Variants in PDE7A observed in about 807,000 individuals in gnomAD.
PDE7A encodes high affinity 3',5'-cyclic-AMP phosphodiesterase 7A.
PDE7A carries 39 observed loss-of-function variants against 64.3 expected under a neutral mutation model. That is an observed-to-expected ratio of 0.61 (90% CI 0.47 to 0.79). The LOEUF (loss-of-function observed/expected upper bound fraction) is 0.79, where lower values mean the gene tolerates loss of function less well. PDE7A is among the 30% of genes least tolerant of loss of function. PDE7A has a pLI of 0.00. For missense variants in PDE7A, 470 were observed against 582.8 expected, an observed-to-expected ratio of 0.81 and a Z score of 1.99; for synonymous variants, 203 against 206.8, an observed-to-expected ratio of 0.98 and a Z score of 0.16.
At chr8:65,752,386 CATAAT>C (rs1424347895) in intron 3 of PDE7A, among the ~76,000 whole-genome samples, 1 of 152,266 alleles carries the variant, frequency 6.6e-6, no homozygotes, top group African/African-American at 2.4e-5. Context: ...ATATTTCACT[CATAAT>C]ATATTATTGA....
rs1236475024 is a variant in PDE7A at position 65,724,939 on chromosome 8, T to C, written c.921-18A>G. On this transcript the variant is annotated intron_variant, in intron 9 of 12. Transcript: ENST00000401827. ...TTTGTTGCCTGGAAATAGAGAAATA[T>C]AAAGAGAAAATATAAGACTTTCAAT... 1.3e-6 allele frequency: 2 copies of C among 1,548,932 alleles called. No individual in the cohort carries two copies. The highest frequency in any genetic ancestry group is 1.8e-6 in the Non-Finnish European group (2 of 1,138,668).
At chr8:65,821,719 C>G (rs1315683306) in intron 1 of PDE7A, among the ~76,000 whole-genome samples, 1 of 152,190 alleles carries the variant, frequency 6.6e-6, no homozygotes, top group East Asian at 1.9e-4. Flanking sequence ...TCAACATGTG[C>G]TACCAGTAGA....
intron 1 of PDE7A, among the ~76,000 whole-genome samples, chr8:65,790,070 T>C (rs1485763613): frequency 6.6e-6 from 1 of 152,182 alleles, no homozygotes; most frequent in Non-Finnish European, 1.5e-5. Context: ...AGTGTGATGG[T>C]GCAAGAATTG....
At chr8:65,761,078 T>G (rs76042859) in intron 3 of PDE7A, among the ~76,000 whole-genome samples, 1 of 151,840 alleles carries the variant, frequency 6.6e-6, no homozygotes, top group Non-Finnish European at 1.5e-5. Flanking sequence ...TTTTTTTTTT[T>G]AGACGGAGTC....
chr8:65,830,581 C>A (rs187336959), intron 1 of PDE7A, among the ~76,000 whole-genome samples: 146 of 152,104 alleles, frequency 9.6e-4, no homozygotes, highest in Non-Finnish European at 1.8e-3. Flanking sequence ...CCCCATCTAT[C>A]CCACTGAAAA....
chr8:65,803,191 T>C (rs371959943), intron 1 of PDE7A, among the ~76,000 whole-genome samples: 19 of 152,342 alleles, frequency 1.2e-4, no homozygotes, highest in Middle Eastern at 3.4e-3. Flanking sequence ...TCTGATAATA[T>C]ATTCAGGCAT....
At position 65,841,446 on chromosome 8, in the gene PDE7A, G is replaced by T; in HGVS notation, c.63C>A (p.Leu21=). 6.4e-7 allele frequency: 1 copy of T among 1,564,778 alleles called. No homozygotes were observed. ...PLDRPVPQHV[L]SRRGAISFSS... ...TGAAGCTGATGGCTCCTCGGCGGCT[G>T]AGGACGTGCTGGGGGACCGGCCTGT... The change falls in exon 1 of 13, where the codon CTC becomes CTA. Residue 21 remains leucine (L), a synonymous_variant. Coordinates refer to ENST00000401827, the MANE Select transcript of PDE7A (RefSeq NM_001242318.3).
intron 1 of PDE7A, among the ~76,000 whole-genome samples, chr8:65,794,165 A>C (rs979236780): frequency 2.0e-5 from 3 of 152,218 alleles, no homozygotes; most frequent in African/African-American, 7.2e-5. Flanking sequence ...CTGTGAAATG[A>C]AAAATGGAAA....
rs1806146761 is a variant in PDE7A at position 65,716,402 on chromosome 8, G to A, written c.*2888C>T. Among the ~76,000 whole-genome samples, 1 of 152,160 alleles carries A rather than the reference G, an allele frequency of 6.6e-6. No individual in the cohort carries two copies. The highest frequency in any genetic ancestry group is 2.1e-4 in the South Asian group (1 of 4,834). On this transcript the variant is annotated 3_prime_UTR_variant, in exon 13 of 13. Transcript: ENST00000401827. ...CAACTGAAACAAGGCTTGAGGTAAT[G>A]ACGTTATTTAATGCATGTGCCAATC...
intron 1 of PDE7A, among the ~76,000 whole-genome samples, chr8:65,799,608 T>C (rs188992503): frequency 6.6e-6 from 1 of 152,274 alleles, no homozygotes; most frequent in East Asian, 1.9e-4. Flanking sequence ...TGACGGGATT[T>C]AAGAGGTTGA....
At chr8:65,746,097 ATT>A (rs374802114) in intron 4 of PDE7A, among the ~76,000 whole-genome samples, 7 of 141,266 alleles carry the variant, frequency 5.0e-5, no homozygotes, top group Admixed American at 1.4e-4. Flanking sequence ...TACCTGGCTA[ATT>A]TTTTTTTTTT....
At chr8:65,812,721 C>T (rs968896339) in intron 1 of PDE7A, among the ~76,000 whole-genome samples, 1 of 152,128 alleles carries the variant, frequency 6.6e-6, no homozygotes, top group African/African-American at 2.4e-5. Flanking sequence ...TGGCCAGATA[C>T]GTATTTTTGA....
At chr8:65,823,725 T>C (rs1328124328) in intron 1 of PDE7A, among the ~76,000 whole-genome samples, 1 of 152,170 alleles carries the variant, frequency 6.6e-6, no homozygotes, top group African/African-American at 2.4e-5. Flanking sequence ...CAATGCAATA[T>C]ATTAAAATCT....
At position 65,826,532 on chromosome 8, in the gene PDE7A, G is replaced by A. The variant is rs562257541; in HGVS notation, c.138+14839C>T. On this transcript the variant is annotated intron_variant, in intron 1 of 12. Coordinates refer to ENST00000401827, the MANE Select transcript of PDE7A (RefSeq NM_001242318.3). ...GTGAAAACATGTATCAAAATGTATT[G>A]CAACTGTCTATTTACAAAGCTGCTT... is the stretch of plus-strand genomic sequence containing the variant. 2.0e-5 allele frequency among the ~76,000 whole-genome samples: 3 copies of A among 152,242 alleles called. No individual in the cohort carries two copies. In the East Asian group the frequency reaches 5.8e-4, roughly 29 times the overall value.
chr8:65,772,860 T>C (rs1016883989), intron 3 of PDE7A, among the ~76,000 whole-genome samples: 2 of 151,860 alleles, frequency 1.3e-5, no homozygotes, highest in Admixed American at 6.6e-5. Flanking sequence ...AAAAAAAAAT[T>C]AGCCAGGTGT....
At chr8:65,724,196 T>C in intron 11 of PDE7A, 59 bp downstream of exon 11, 4 of 1,044,486 alleles carry the variant, frequency 3.8e-6, no homozygotes, top group Non-Finnish European at 6.0e-6. Flanking sequence ...ATTTTATTCT[T>C]ACGATGTTAA....
At chr8:65,764,124 C>G (rs937670542) in intron 3 of PDE7A, among the ~76,000 whole-genome samples, 15 of 152,138 alleles carry the variant, frequency 9.9e-5, no homozygotes, top group African/African-American at 3.6e-4. Flanking sequence ...TCTCTACAAG[C>G]ACCACTTTGT....
At chr8:65,752,512 T>C (rs1585872219) in intron 3 of PDE7A, among the ~76,000 whole-genome samples, 1 of 152,212 alleles carries the variant, frequency 6.6e-6, no homozygotes, top group Non-Finnish European at 1.5e-5. Flanking sequence ...ACTTGCAAAA[T>C]CTGAGGCAAA....
intron 3 of PDE7A, among the ~76,000 whole-genome samples, chr8:65,749,932 T>C (rs566195638): frequency 3.3e-5 from 5 of 152,202 alleles, no homozygotes; most frequent in Non-Finnish European, 4.4e-5. Context: ...AGAAGGAAAA[T>C]AGCTAATGCA....
Sources: gnomAD v4.1 joint callset for allele counts (sites outside exome capture counted in the v4.1 genomes callset) on GRCh38, gnomAD v4.1.1 for gene constraint, MANE v1.5 for transcripts, NCBI Gene and HGNC (gene_info 2026-07-23, HGNC 2026-07-21) for gene names.